The following CTBP2 variants were observed in gnomAD, a reference collection of about 807,000 sequenced individuals.
CTBP2 encodes the protein C-terminal binding protein 2, also known as C-terminal-binding protein 2.
A neutral mutation model predicts 80.3 loss-of-function variants in CTBP2; 30 were observed. The observed-to-expected ratio is 0.37, with a 90% CI of 0.28 to 0.51. The LOEUF is 0.51. Ranked by LOEUF, CTBP2 falls within the 20% of genes least tolerant of loss-of-function variation. CTBP2 has a pLI of 0.93. For synonymous variants in CTBP2, 594 were observed against 587.4 expected, an observed-to-expected ratio of 1.01 and a Z score of -0.16; for missense variants, 1,212 against 1,375.3, an observed-to-expected ratio of 0.88 and a Z score of 1.88.
intron 2 of CTBP2, among the ~76,000 whole-genome samples, chr10:125,047,824 C>T (rs1961654969): frequency 6.6e-6 from 1 of 152,134 alleles, no homozygotes; most frequent in Non-Finnish European, 1.5e-5. Context: ...AATTATTTAG[C>T]TTACACTTAA....
At chr10:125,083,305 T>G (rs1257985004) in intron 2 of CTBP2, among the ~76,000 whole-genome samples, 1 of 152,170 alleles carries the variant, frequency 6.6e-6, no homozygotes. Flanking sequence ...TTGATTTGGC[T>G]TCTGGATAAA....
At chr10:125,096,587 A>G (rs940124315) in intron 2 of CTBP2, among the ~76,000 whole-genome samples, 9 of 152,200 alleles carry the variant, frequency 5.9e-5, no homozygotes, top group Admixed American at 6.5e-5. Context: ...GGTCATTTAC[A>G]AAACTAAAAG....
intron 3 of CTBP2, among the ~76,000 whole-genome samples, chr10:125,034,833 C>A (rs1958679989): frequency 6.6e-6 from 1 of 152,208 alleles, no homozygotes; most frequent in African/African-American, 2.4e-5. Flanking sequence ...GGATTATGTT[C>A]TTTCCTCGGG....
At chr10:125,072,634 G>GAAAA (rs55742060) in intron 2 of CTBP2, among the ~76,000 whole-genome samples, 273 of 100,018 alleles carry the variant, frequency 2.7e-3, no homozygotes, top group Middle Eastern at 6.5e-3. Flanking sequence ...AAAAAGAAAA[G>GAAAA]AAAAAAAAAA....
intron 2 of CTBP2, among the ~76,000 whole-genome samples, chr10:125,055,743 G>GA (rs1218594589): frequency 6.6e-6 from 1 of 152,138 alleles, no homozygotes; most frequent in African/African-American, 2.4e-5. Flanking sequence ...ATCATGAAAA[G>GA]AAAAAAATCA....
chr10:125,092,178 T>G (rs1053730376), intron 2 of CTBP2, among the ~76,000 whole-genome samples: 2 of 54,452 alleles, frequency 3.7e-5, no homozygotes, highest in African/African-American at 2.0e-4. Context: ...TGAAGATTCT[T>G]TTTTTTTTTT....
intron 6 of CTBP2, 52 bp from the exon 9 acceptor site, chr10:124,993,381 CT>C: frequency 6.4e-7 from 1 of 1,572,882 alleles, no homozygotes. Context: ...CATACGCTCC[CT>C]GCCCTCCTCA....
intron 1 of CTBP2, chr10:125,122,721 C>G (rs1854542856): frequency 6.6e-6 from 1 of 152,182 alleles, no homozygotes; most frequent in Admixed American, 6.5e-5. Context: ...AAAGTCACTC[C>G]CAATACGACC....
At chr10:125,024,675 G>A (rs1020212694) in intron 1 of CTBP2, among the ~76,000 whole-genome samples, 1 of 152,188 alleles carries the variant, frequency 6.6e-6, no homozygotes, top group African/African-American at 2.4e-5. Flanking sequence ...TTTCAGATCC[G>A]CTTTGCAAGC....
In CTBP2 at chr10:124,993,914, G is replaced by T; in HGVS notation, c.2472C>A (p.Ala824=). 6.2e-7 allele frequency: 1 copy of T among 1,614,172 alleles called. No homozygotes were observed. Residue 824 remains alanine (A), a synonymous_variant, in exon 6 of 9, where the codon GCC becomes GCA. Coordinates refer to ENST00000309035, the MANE Select transcript of CTBP2 (RefSeq NM_022802.3). ...CCCCTCGTATCCTGCCCTCCTTGAGGGCTTGTGCTAAGGCTTTCTCGTCCA... is the reference window on the plus strand; with the variant it reads ...CCCCTCGTATCCTGCCCTCCTTGAGTGCTTGTGCTAAGGCTTTCTCGTCCA...
chr10:125,005,992 G>A, intron 1 of CTBP2: 2 of 1,443,118 alleles, frequency 1.4e-6, no homozygotes, highest in Non-Finnish European at 9.0e-7. Context: ...TGCGTCTGGG[G>A]AGCCTGAGAG....
intron 3 of CTBP2, among the ~76,000 whole-genome samples, chr10:125,035,440 CG>C (rs1372562097): frequency 6.6e-6 from 1 of 152,172 alleles, no homozygotes; most frequent in Non-Finnish European, 1.5e-5. Context: ...ATACCATCCT[CG>C]GGGGACCATT....
intron 3 of CTBP2, chr10:124,999,923 G>C (rs546439477): frequency 7.9e-5 from 12 of 152,380 alleles, no homozygotes; most frequent in East Asian, 3.9e-4. Flanking sequence ...CTGGCTCCGT[G>C]CTGCTGCCGG....
At chr10:125,151,982 C>T (rs1860010134) in intron 1 of CTBP2, among the ~76,000 whole-genome samples, 1 of 152,150 alleles carries the variant, frequency 6.6e-6, no homozygotes, top group African/African-American at 2.4e-5. Flanking sequence ...GAAGCGGCTC[C>T]ATTTACAAGT....
chr10:125,098,776 G>GAGAC (rs1850150176), intron 2 of CTBP2, among the ~76,000 whole-genome samples: 4 of 146,052 alleles, frequency 2.7e-5, no homozygotes, highest in Non-Finnish European at 6.1e-5. Flanking sequence ...GAGAGAGAGA[G>GAGAC]AGACAGAGAG....
intron 2 of CTBP2, among the ~76,000 whole-genome samples, chr10:125,043,526 TCCCAGGTTCAC>T (rs1286456107): frequency 1.3e-5 from 2 of 152,196 alleles, no homozygotes; most frequent in Non-Finnish European, 2.9e-5. Flanking sequence ...AAGCTCCGCC[TCCCAGGTTCAC>T]GCCATTCTCC....
intron 2 of CTBP2, among the ~76,000 whole-genome samples, chr10:125,098,811 C>T (rs1056569167): frequency 1.6e-5 from 2 of 123,388 alleles, no homozygotes; most frequent in African/African-American, 3.2e-5. Flanking sequence ...ACCCAGGCCT[C>T]GGAGCTGCCC....
At chr10:125,041,342 C>T (rs1461072483) in intron 2 of CTBP2, among the ~76,000 whole-genome samples, 1 of 152,208 alleles carries the variant, frequency 6.6e-6, no homozygotes, top group Admixed American at 6.5e-5. Context: ...CTCAGCCTCC[C>T]AAAGTGCTGG....
intron 2 of CTBP2, among the ~76,000 whole-genome samples, chr10:125,044,197 G>A (rs911978673): frequency 1.3e-5 from 2 of 152,160 alleles, no homozygotes; most frequent in African/African-American, 2.4e-5. Context: ...TTCCTTCACC[G>A]CAGCCTACAG....
Sources: allele counts gnomAD v4.1 joint callset (sites outside exome capture counted in the v4.1 genomes callset), GRCh38; gene constraint gnomAD v4.1.1; transcripts MANE v1.5; gene names NCBI Gene and HGNC (gene_info 2026-07-23, HGNC 2026-07-21).